Variants in ZC3H14 observed in about 807,000 individuals in gnomAD.
The protein encoded by ZC3H14 is zinc finger CCCH domain-containing protein 14.
A neutral mutation model predicts 92.4 loss-of-function variants in ZC3H14; 31 were observed. The observed-to-expected ratio is 0.34, with a 90% CI of 0.25 to 0.45. The LOEUF (loss-of-function observed/expected upper bound fraction) is 0.45, where lower values mean the gene tolerates loss of function less well. Among genes scored for constraint, ZC3H14 ranks in the 20% least tolerant of loss-of-function variants. The probability of loss-of-function intolerance (pLI) is 1.00; values close to 1 mark genes in which losing one functional copy is unlikely to be tolerated. For missense variants in ZC3H14, 781 were observed against 897.3 expected, an observed-to-expected ratio of 0.87 and a Z score of 1.66; for synonymous variants, 321 against 300.9, an observed-to-expected ratio of 1.07 and a Z score of -0.69.
At chr14:88,610,645 T>TAAAA (rs11453178) in intron 15 of ZC3H14, among the ~76,000 whole-genome samples, 189 bp from the exon 16 acceptor site, 16 of 144,452 alleles carry the variant, frequency 1.1e-4, no homozygotes, top group South Asian at 2.3e-4. Context: ...CCCCATCTCT[T>TAAAA]AAAAAAAAAA....
intron 12 of ZC3H14, 42 bp downstream of exon 12, chr14:88,603,102 A>C (rs746369501): frequency 6.3e-7 from 1 of 1,584,680 alleles, no homozygotes; most frequent in African/African-American, 1.3e-5. Flanking sequence ...GTCATTGTGA[A>C]GGGAATCTTT....
At chr14:88,608,313 T>A (rs2085947707) in intron 13 of ZC3H14, 1 of 477,340 alleles carries the variant, frequency 2.1e-6, no homozygotes, top group African/African-American at 2.1e-5. Context: ...TGCAAGTGAA[T>A]ACCATCCCCA....
chr14:88,596,251 T>C (rs2083805791), intron 9 of ZC3H14, among the ~76,000 whole-genome samples: 1 of 152,202 alleles, frequency 6.6e-6, no homozygotes. Context: ...GCCCAGAGTT[T>C]GTCTTTTAGG....
Position 88,627,548 on chromosome 14 carries a change from G to T in ZC3H14, c.*15797G>T. ...TTGCATAGGCCTCCACTGAATGATT[G>T]TTTCAACCACCAACTTTAAGACAAA... On this transcript the variant is annotated 3_prime_UTR_variant, in exon 17 of 17. Coordinates refer to ENST00000251038, the MANE Select transcript of ZC3H14 (RefSeq NM_024824.5). 1 of 1,272,822 alleles carries T rather than the reference G, an allele frequency of 7.9e-7. No homozygotes were observed. Among genetic ancestry groups the T allele is most frequent in the Non-Finnish European group, 1.1e-6 (1 of 938,292 alleles). 78.8% of individuals were successfully genotyped at this position (1,272,822 alleles called of 1,614,324 possible). A position where few individuals can be genotyped will look rare whatever the true frequency, so the allele number is the denominator to read the frequency against.
At position 88,572,149 on chromosome 14, in the gene ZC3H14, A is replaced by G. The variant is rs2080499100; in HGVS notation, c.355A>G (p.Ile119Val). The G allele has an allele frequency of 6.2e-7, 1 of 1,614,062 alleles. No individual in the cohort carries two copies. Among genetic ancestry groups the G allele is most frequent in the South Asian group, 1.1e-5 (1 of 91,090 alleles). ...RHEAAVPPLA[I>V]PSARPEKRDS... ...TGAAGCTGCAGTGCCACCACTTGCC[A>G]TTCCTAGCGCGAGACCTGAAAAAAG... Residue 119 changes from isoleucine to valine, a missense_variant, in exon 5 of 17, where the codon ATT (isoleucine) becomes GTT (valine). Around this residue, in one of 3 missense-constraint regions of ZC3H14, gnomAD observed 106 missense variants for 154.2 expected, o/e 0.69. Transcript: ENST00000251038.
chr14:88,593,360 G>A (rs893857473), intron 9 of ZC3H14, among the ~76,000 whole-genome samples: 2 of 151,880 alleles, frequency 1.3e-5, no homozygotes, highest in Admixed American at 6.6e-5. Flanking sequence ...GCTTTTTTTT[G>A]TAGAAATCGG....
At position 88,617,714 on chromosome 14, in the gene ZC3H14, A is replaced by G. The variant is rs995759078; in HGVS notation, c.*5963A>G. On this transcript the variant is annotated 3_prime_UTR_variant, in exon 17 of 17. Transcript: ENST00000251038. ...ACTTCTAGGCTCAAGTGATCCTCCC[A>G]CCTCGGCCTGCTACATCAGAGATTA... The G allele has an allele frequency of 7.2e-5, 11 of 152,312 alleles. No individual in the cohort carries two copies. The highest frequency in any genetic ancestry group is 2.7e-4 in the African/African-American group (11 of 41,428). The allele number at this position is 152,312 out of a possible 1,614,324, so 9.4% of individuals were successfully genotyped here.
At chr14:88,582,265 C>T (rs1485150753) in intron 9 of ZC3H14, among the ~76,000 whole-genome samples, 1 of 152,102 alleles carries the variant, frequency 6.6e-6, no homozygotes, top group African/African-American at 2.4e-5. Flanking sequence ...TTTTGTCTTG[C>T]CAAAAATGTA....
rs1404161686 is a variant in ZC3H14 at position 88,603,068 on chromosome 14, G to A, written c.1747+8G>A. ...ATGGTAGCTTTTCTAACGGTGTGTT[G>A]AGAGCTCAGATTTTCAGGGTGCTGT... On this transcript the variant is annotated splice_region_variant and intron_variant, in intron 12 of 16. Coordinates refer to ENST00000251038, the MANE Select transcript of ZC3H14 (RefSeq NM_024824.5). 5.6e-6 allele frequency: 9 copies of A among 1,613,344 alleles called. No homozygotes were observed. In the African/African-American group the frequency reaches 8.0e-5, roughly 14 times the overall value.
chr14:88,585,651 A>C (rs2082383788), intron 9 of ZC3H14, among the ~76,000 whole-genome samples: 1 of 151,884 alleles, frequency 6.6e-6, no homozygotes, highest in Non-Finnish European at 1.5e-5. Flanking sequence ...CAGCCTCCCA[A>C]AGTGTTGGGA....
chr14:88,574,353 C>T (rs886843233), intron 6 of ZC3H14: 2 of 311,400 alleles, frequency 6.4e-6, no homozygotes, highest in Admixed American at 4.7e-5. Context: ...TCAAGTGAGT[C>T]TTCTGCCTCA....
chr14:88,616,387 A>G lies in ZC3H14; in HGVS notation c.*4636A>G. 1.3e-6 allele frequency: 1 copy of G among 783,898 alleles called. No homozygotes were observed. Among genetic ancestry groups the G allele is most frequent in the Non-Finnish European group, 2.1e-6 (1 of 479,050 alleles). 48.6% of individuals were successfully genotyped at this position (783,898 alleles called of 1,614,324 possible). On this transcript the variant is annotated 3_prime_UTR_variant, in exon 17 of 17. Transcript: ENST00000251038. ...GCCAGTGATTAGAATGCTTTTCAGC[A>G]TGAGTAGTGGATCTGCAAAACCAGG... is the stretch of plus-strand genomic sequence containing the variant.
Position 88,627,570 on chromosome 14 carries a change from C to T in ZC3H14, c.*15819C>T, listed in dbSNP as rs528555067. 37 of 1,432,908 alleles carry T rather than the reference C, an allele frequency of 2.6e-5. No individual in the cohort carries two copies. In the South Asian group the frequency reaches 4.3e-4, roughly 17 times the overall value. 88.8% of individuals were successfully genotyped at this position (1,432,908 alleles called of 1,614,324 possible). A position where few individuals can be genotyped will look rare whatever the true frequency, so the allele number is the denominator to read the frequency against. ...ATTGTTTCAACCACCAACTTTAAGA[C>T]AAATATTAAATACAGAATTCCTACT... On this transcript the variant is annotated 3_prime_UTR_variant, in exon 17 of 17. Transcript: ENST00000251038.
At chr14:88,579,976 C>T (rs2081679830) in intron 9 of ZC3H14, among the ~76,000 whole-genome samples, 1 of 152,220 alleles carries the variant, frequency 6.6e-6, no homozygotes, top group Non-Finnish European at 1.5e-5. Context: ...CTTTGGGAGG[C>T]TGAGGCAGGA....
chr14:88,606,747 T>TTA (rs1555409413), intron 12 of ZC3H14, among the ~76,000 whole-genome samples: 17 of 95,876 alleles, frequency 1.8e-4, no homozygotes, highest in Admixed American at 4.0e-4. Flanking sequence ...GACCCTGTCG[T>TTA]AAAAAAAAAA....
chr14:88,569,873 T>C (rs925786622), intron 3 of ZC3H14, among the ~76,000 whole-genome samples: 3 of 152,350 alleles, frequency 2.0e-5, no homozygotes, highest in East Asian at 1.9e-4. Context: ...TCAGTTGTTA[T>C]GATACACTGC....
chr14:88,591,969 C>G (rs1047040742), intron 9 of ZC3H14: 1 of 152,140 alleles, frequency 6.6e-6, no homozygotes, highest in African/African-American at 2.4e-5. Flanking sequence ...TGAAGAATAA[C>G]GGTAGCATTT....
chr14:88,610,560 T>G (rs2086448331), intron 15 of ZC3H14, among the ~76,000 whole-genome samples: 1 of 150,900 alleles, frequency 6.6e-6, no homozygotes, highest in Admixed American at 6.6e-5. Flanking sequence ...CCTAGTACTT[T>G]GGGAGGTAGA....
intron 9 of ZC3H14, among the ~76,000 whole-genome samples, chr14:88,580,336 C>G (rs1046680675): frequency 2.0e-5 from 3 of 151,986 alleles, no homozygotes; most frequent in African/African-American, 4.8e-5. Context: ...AGAAAGAACT[C>G]GAAAGAATTA....
Sources: gnomAD v4.1 joint callset for allele counts (sites outside exome capture counted in the v4.1 genomes callset) on GRCh38, gnomAD v4.1.1 for gene constraint, gnomAD v4.1.1 regional missense constraint, MANE v1.5 for transcripts, NCBI Gene and HGNC (gene_info 2026-07-23, HGNC 2026-07-21) for gene names.